AHCYL1: variants seen among roughly 807,000 people sequenced by gnomAD.
AHCYL1 encodes S-adenosylhomocysteine hydrolase-like protein 1.
A neutral mutation model predicts 79.3 loss-of-function variants in AHCYL1; 20 were observed. The observed-to-expected ratio is 0.25, with a 90% CI of 0.18 to 0.37. AHCYL1 has a LOEUF of 0.37. Ranked by LOEUF, AHCYL1 falls within the 10% of genes least tolerant of loss-of-function variation. The probability of loss-of-function intolerance (pLI) is 1.00; values close to 1 mark genes in which losing one functional copy is unlikely to be tolerated. For missense variants in AHCYL1, 330 were observed against 673.6 expected (o/e 0.49, Z 5.65); for synonymous variants, 223 against 242.2 (o/e 0.92, Z 0.74).
intron 16 of AHCYL1, 58 bp downstream of exon 16, chr1:110,020,909 T>C (rs1651753197): frequency 6.4e-7 from 1 of 1,563,484 alleles, no homozygotes; most frequent in Non-Finnish European, 8.6e-7. Flanking sequence ...CCAAGCAGGC[T>C]AGCCTGCTTC....
chr1:110,021,259 A>C (rs1482376336), intron 16 of AHCYL1, among the ~76,000 whole-genome samples: 1 of 152,104 alleles, frequency 6.6e-6, no homozygotes, highest in African/African-American at 2.4e-5. Flanking sequence ...ACAAACAAAC[A>C]AAAAAACTGT....
chr1:109,990,114 C>T (rs143220393), intron 1 of AHCYL1, among the ~76,000 whole-genome samples: 16 of 152,290 alleles, frequency 1.1e-4, no homozygotes, highest in East Asian at 5.8e-4. Context: ...TTACATAAGA[C>T]GCCTTTAACT....
chr1:110,021,978 G>C lies in AHCYL1; in HGVS notation c.*298G>C. 1 of 343,496 alleles carries C rather than the reference G, an allele frequency of 2.9e-6. No individual in the cohort carries two copies. Among genetic ancestry groups the C allele is most frequent in the Non-Finnish European group, 5.3e-6 (1 of 190,436 alleles). The allele number at this position is 343,496 out of a possible 1,614,324, so 21.3% of individuals were successfully genotyped here. A position where few individuals can be genotyped will look rare whatever the true frequency, so the allele number is the denominator to read the frequency against. The stretch of plus-strand genomic sequence containing the variant: ...TTTCTGGGGACTTTAGTCTTAATTA[G>C]GTACCTTATTAACAGGAAATGCTAA... On this transcript the variant is annotated 3_prime_UTR_variant, in exon 17 of 17. Coordinates refer to ENST00000369799, the MANE Select transcript of AHCYL1 (RefSeq NM_006621.7).
chr1:109,993,085 G>GGAACTTAACACACATTC (rs1649850258), intron 1 of AHCYL1, among the ~76,000 whole-genome samples: 1 of 152,012 alleles, frequency 6.6e-6, no homozygotes, highest in Non-Finnish European at 1.5e-5. Context: ...GTTCAGCTCA[G>GGAACTTAACACACATTC]GAACTTAACA....
At chr1:110,012,274 A>G (rs1570881679) in intron 3 of AHCYL1, 88 bp from the exon 4 acceptor site, 7 of 1,166,216 alleles carry the variant, frequency 6.0e-6, no homozygotes, top group South Asian at 1.6e-5. Context: ...TCATCTCACC[A>G]TATCTCAACA....
intron 15 of AHCYL1, 116 bp from the exon 16 acceptor site, chr1:110,020,613 CAG>C (rs1651737997): frequency 3.1e-6 from 4 of 1,295,146 alleles, no homozygotes; most frequent in East Asian, 2.5e-5. Flanking sequence ...TGGATTCTTT[CAG>C]AGTTATTCCA....
chr1:110,012,811 T>A, intron 4 of AHCYL1, 86 bp from the exon 5 acceptor site: 1 of 976,104 alleles, frequency 1.0e-6, no homozygotes, highest in Non-Finnish European at 1.5e-6. Context: ...GCAGAGTTGA[T>A]AGGTATTGCT....
intron 15 of AHCYL1, 121 bp downstream of exon 15, chr1:110,019,747 T>C: frequency 1.1e-6 from 1 of 936,166 alleles, no homozygotes; most frequent in Non-Finnish European, 1.6e-6. Flanking sequence ...TACTGGTTGT[T>C]TGACCTCAGG....
chr1:110,021,484 G>A (rs569420764), intron 16 of AHCYL1, among the ~76,000 whole-genome samples, 190 bp from the exon 17 acceptor site: 54 of 152,100 alleles, frequency 3.6e-4, no homozygotes, highest in Admixed American at 9.8e-4. Flanking sequence ...GGGAACAGGC[G>A]GTAACACCAG....
At chr1:110,020,384 G>A (rs951365088) in intron 15 of AHCYL1, among the ~76,000 whole-genome samples, 2 of 152,132 alleles carry the variant, frequency 1.3e-5, no homozygotes, top group African/African-American at 4.8e-5. Context: ...TCTAGTTAAG[G>A]AGGTTGCTGC....
intron 2 of AHCYL1, among the ~76,000 whole-genome samples, chr1:110,009,369 T>C (rs1650873075): frequency 2.0e-5 from 3 of 152,244 alleles, no homozygotes; most frequent in South Asian, 4.1e-4. Context: ...GTGTGTGGTC[T>C]GTGGCCAGTG....
chr1:110,011,366 A>C lies in AHCYL1; in HGVS notation c.376+9A>C. On this transcript the variant is annotated intron_variant, in intron 3 of 16. Coordinates refer to ENST00000369799, the MANE Select transcript of AHCYL1 (RefSeq NM_006621.7). ...TGAGATTGCAGAGCAAGGTAAAGAA[A>C]GGGAGTGGGTTAGGGGACCAGAAAC... 1 of 1,613,814 alleles carries C rather than the reference A, an allele frequency of 6.2e-7. No homozygotes were observed.
rs72502383 is a variant in AHCYL1 at position 109,984,829 on chromosome 1, T to TC, written c.-224_-223insC. ...CGGGCAGGTCGGAGCTCGGAGCTGC[T>TC]GTTCTGGTTCTCTTGTGGCCGCCGT... On this transcript the variant is annotated 5_prime_UTR_variant, in exon 1 of 17. Transcript: ENST00000369799. 3.8e-6 allele frequency: 1 copy of TC among 265,050 alleles called. No individual in the cohort carries two copies. Among genetic ancestry groups the TC allele is most frequent in the African/African-American group, 1.7e-4 (1 of 5,980 alleles). The allele number at this position is 265,050 out of a possible 1,614,324, so 16.4% of individuals were successfully genotyped here.
At chr1:110,000,574 G>A (rs1221535169) in intron 1 of AHCYL1, among the ~76,000 whole-genome samples, 1 of 152,028 alleles carries the variant, frequency 6.6e-6, no homozygotes, top group Non-Finnish European at 1.5e-5. Flanking sequence ...TCCTTTACCA[G>A]TGCTTACAAA....
chr1:110,002,075 A>G (rs542375093), intron 1 of AHCYL1, among the ~76,000 whole-genome samples: 1 of 152,356 alleles, frequency 6.6e-6, no homozygotes, highest in African/African-American at 2.4e-5. Flanking sequence ...AAGACATACA[A>G]TAGGAAAATT....
Position 110,018,487 on chromosome 1 carries a change from T to C in AHCYL1, c.1218+20T>C, listed in dbSNP as rs767805757. The C allele has an allele frequency of 1.9e-6, 3 of 1,613,724 alleles. No homozygotes were observed. The highest frequency in any genetic ancestry group is 1.7e-6 in the Non-Finnish European group (2 of 1,179,992). Reference sequence around the variant, plus strand: ...GATGTGGTAAGGCTTCTCTCATTTGTTGCTAGGCATTTCTCTACTACCTTT... The same window carrying C: ...GATGTGGTAAGGCTTCTCTCATTTGCTGCTAGGCATTTCTCTACTACCTTT... On this transcript the variant is annotated intron_variant, in intron 12 of 16. Transcript: ENST00000369799.
At chr1:109,988,897 G>A (rs1649605087) in intron 1 of AHCYL1, among the ~76,000 whole-genome samples, 1 of 152,232 alleles carries the variant, frequency 6.6e-6, no homozygotes, top group Non-Finnish European at 1.5e-5. Flanking sequence ...GTGTTAACCC[G>A]ATAGGTAAAA....
chr1:109,990,740 C>T (rs971752937), intron 1 of AHCYL1, among the ~76,000 whole-genome samples: 2 of 152,136 alleles, frequency 1.3e-5, no homozygotes, highest in African/African-American at 2.4e-5. Context: ...ATTCATCCCC[C>T]GTAATACATA....
intron 1 of AHCYL1, among the ~76,000 whole-genome samples, chr1:110,001,835 GGAAT>G (rs2101709777): frequency 6.6e-6 from 1 of 152,182 alleles, no homozygotes; most frequent in Non-Finnish European, 1.5e-5. Context: ...CAAACACAAA[GGAAT>G]GAACCCAACT....
Sources: gnomAD v4.1 joint callset for allele counts (sites outside exome capture counted in the v4.1 genomes callset) on GRCh38, gnomAD v4.1.1 for gene constraint, MANE v1.5 for transcripts, NCBI Gene and HGNC (gene_info 2026-07-23, HGNC 2026-07-21) for gene names.